ZNF385D: variants seen among roughly 807,000 people sequenced by gnomAD.
The protein encoded by ZNF385D is zinc finger protein 659.
A neutral mutation model predicts 35.8 loss-of-function variants in ZNF385D; 15 were observed. The ratio of observed to expected loss-of-function variants is 0.42; its 90% CI spans 0.28 to 0.64. ZNF385D has a LOEUF of 0.64. Among genes scored for constraint, ZNF385D ranks in the 30% least tolerant of loss-of-function variants. ZNF385D has a pLI of 0.23. For synonymous variants in ZNF385D, 212 were observed against 186.8 expected (o/e 1.13, Z -1.10); for missense variants, 474 against 494.6 (o/e 0.96, Z 0.39).
upstream of ZNF385D, chr3:21,751,384 G>C: frequency 1.3e-5 from 13 of 1,020,712 alleles, no homozygotes; most frequent in Non-Finnish European, 1.5e-5. Flanking sequence ...CTCTTAAAGC[G>C]AGAAGAGTGT....
intron 3 of ZNF385D, among the ~76,000 whole-genome samples, chr3:22,072,597 G>C (rs1041754170): frequency 6.6e-6 from 1 of 151,820 alleles, no homozygotes; most frequent in Admixed American, 6.6e-5. Flanking sequence ...AAGGTATATT[G>C]TTATATTACC....
intron 3 of ZNF385D, among the ~76,000 whole-genome samples, chr3:21,922,606 C>T (rs535715355): frequency 9.8e-4 from 149 of 152,198 alleles, no homozygotes; most frequent in African/African-American, 2.5e-3. Context: ...TAAAACTGGA[C>T]CCCTTCCTTT....
At chr3:21,636,388 A>ATGAT (rs367979581) in intron 2 of ZNF385D, among the ~76,000 whole-genome samples, 4,994 of 41,924 alleles carry the variant, frequency 0.12, 151 homozygotes, top group Non-Finnish European at 0.16. Context: ...TTATATATAT[A>ATGAT]TATATATATA....
intron 2 of ZNF385D, among the ~76,000 whole-genome samples, chr3:22,213,088 C>T (rs1363707980): frequency 3.3e-5 from 5 of 151,850 alleles, no homozygotes; most frequent in African/African-American, 1.2e-4. Context: ...TATAAATTTC[C>T]TTTTATATTA....
chr3:21,918,477 C>A (rs1165406880), intron 3 of ZNF385D, among the ~76,000 whole-genome samples: 3 of 152,092 alleles, frequency 2.0e-5, no homozygotes, highest in Admixed American at 1.3e-4. Flanking sequence ...CTTGATACTT[C>A]AGATAATTTT....
At chr3:22,271,768 G>A (rs1701190108) in intron 2 of ZNF385D, among the ~76,000 whole-genome samples, 1 of 151,784 alleles carries the variant, frequency 6.6e-6, no homozygotes, top group African/African-American at 2.4e-5. Flanking sequence ...AAACCATCCA[G>A]TCAGACTCAA....
chr3:21,753,503 T>C (rs553520499), upstream of ZNF385D, among the ~76,000 whole-genome samples: 6 of 152,262 alleles, frequency 3.9e-5, no homozygotes, highest in South Asian at 2.1e-4. Flanking sequence ...TGAAAGAATA[T>C]GGCATTCCAG....
At chr3:22,123,327 T>C (rs1162900764) in intron 3 of ZNF385D, among the ~76,000 whole-genome samples, 4 of 152,160 alleles carry the variant, frequency 2.6e-5, no homozygotes, top group Admixed American at 2.0e-4. Context: ...TATAATTAGT[T>C]TTTAAAATCT....
chr3:22,124,758 T>G (rs1266670588), intron 3 of ZNF385D, among the ~76,000 whole-genome samples: 1 of 152,216 alleles, frequency 6.6e-6, no homozygotes, highest in Non-Finnish European at 1.5e-5. Flanking sequence ...CACTTTTAAT[T>G]GGATAAATAT....
At chr3:21,839,368 ATC>A (rs1695521295) in intron 3 of ZNF385D, among the ~76,000 whole-genome samples, 1 of 152,248 alleles carries the variant, frequency 6.6e-6, no homozygotes, top group East Asian at 1.9e-4. Context: ...AAAGCTCATC[ATC>A]TGTTACAAAC....
chr3:21,975,447 T>A (rs369905268), intron 3 of ZNF385D, among the ~76,000 whole-genome samples: 1 of 151,978 alleles, frequency 6.6e-6, no homozygotes, highest in East Asian at 1.9e-4. Flanking sequence ...GGTTCAAATA[T>A]ATGGTTAGAT....
At chr3:21,876,538 C>G (rs1368637502) in intron 3 of ZNF385D, among the ~76,000 whole-genome samples, 1 of 151,760 alleles carries the variant, frequency 6.6e-6, no homozygotes, top group Non-Finnish European at 1.5e-5. Flanking sequence ...TCATTTAACC[C>G]TTCAATCAAC....
chr3:21,528,653 T>C (rs2061844819), intron 3 of ZNF385D, among the ~76,000 whole-genome samples: 1 of 152,200 alleles, frequency 6.6e-6, no homozygotes, highest in South Asian at 2.1e-4. Flanking sequence ...AAACTCTTAT[T>C]TTGGATATTA....
chr3:22,007,558 A>T (rs115257111), intron 3 of ZNF385D, among the ~76,000 whole-genome samples: 1 of 152,162 alleles, frequency 6.6e-6, no homozygotes, highest in Admixed American at 6.5e-5. Flanking sequence ...ATTTTGAAAA[A>T]TATTGCCAAA....
At chr3:21,707,490 C>T (rs560025424) in intron 1 of ZNF385D, among the ~76,000 whole-genome samples, 91 of 152,284 alleles carry the variant, frequency 6.0e-4, no homozygotes, top group African/African-American at 2.1e-3. Flanking sequence ...CCTGATATCT[C>T]CTTTAATGAC....
chr3:22,262,042 A>G (rs1700660306), intron 2 of ZNF385D, among the ~76,000 whole-genome samples: 1 of 152,006 alleles, frequency 6.6e-6, no homozygotes, highest in African/African-American at 2.4e-5. Flanking sequence ...GCAGCATATT[A>G]TCATATAAAT....
chr3:21,668,019 A>G (rs925979189), intron 1 of ZNF385D, among the ~76,000 whole-genome samples: 1 of 152,188 alleles, frequency 6.6e-6, no homozygotes, highest in Non-Finnish European at 1.5e-5. Flanking sequence ...AGCAATGTAT[A>G]AGATTGTAGG....
At chr3:21,681,298 T>TAAA (rs55872870) in intron 1 of ZNF385D, among the ~76,000 whole-genome samples, 5,366 of 64,398 alleles carry the variant, frequency 0.083, 1,464 homozygotes, top group African/African-American at 0.19. Context: ...ATTCCATCAG[T>TAAA]AAAAAAAAAA....
At chr3:21,636,185 A>G (rs1575368928) in intron 2 of ZNF385D, among the ~76,000 whole-genome samples, 2 of 151,620 alleles carry the variant, frequency 1.3e-5, no homozygotes, top group South Asian at 4.2e-4. Context: ...GCAGCGTAGA[A>G]GTGTTCCATT....
Sources: allele counts gnomAD v4.1 joint callset (sites outside exome capture counted in the v4.1 genomes callset), GRCh38; gene constraint gnomAD v4.1.1; transcripts MANE v1.5; gene names NCBI Gene and HGNC (gene_info 2026-07-23, HGNC 2026-07-21).